Variants in NPFFR2 observed in about 807,000 individuals in gnomAD.
NPFFR2 encodes the protein G-protein coupled receptor 74.
NPFFR2 carries 15 observed loss-of-function variants against 13.1 expected under a neutral mutation model. The observed-to-expected ratio is 1.15, with a 90% CI of 0.77 to 1.76. The LOEUF (loss-of-function observed/expected upper bound fraction) is 1.76, where lower values mean the gene tolerates loss of function less well. NPFFR2 is among the 40% of genes most tolerant of loss of function. The pLI, the probability that NPFFR2 is intolerant of heterozygous loss-of-function variation, is 0.00. For missense variants in NPFFR2, 572 were observed against 503.5 expected, an observed-to-expected ratio of 1.14 and a Z score of -1.30; for synonymous variants, 190 against 175.7, an observed-to-expected ratio of 1.08 and a Z score of -0.65.
chr4:72,103,732 G>A (rs1487982278), intron 1 of NPFFR2, among the ~76,000 whole-genome samples: 13 of 151,964 alleles, frequency 8.6e-5, no homozygotes, highest in African/African-American at 3.1e-4. Context: ...TTTCAAAGTT[G>A]AACTAATAGA....
chr4:72,032,303 C>T, intron 1 of NPFFR2, 103 bp downstream of exon 1: 1 of 1,271,346 alleles, frequency 7.9e-7, no homozygotes, highest in Non-Finnish European at 1.1e-6. Context: ...GATTGTGGAC[C>T]GACACCTTGG....
intron 1 of NPFFR2, among the ~76,000 whole-genome samples, chr4:72,048,817 A>G (rs1476921746): frequency 3.9e-5 from 6 of 151,970 alleles, no homozygotes; most frequent in Non-Finnish European, 1.5e-5. Flanking sequence ...TTAGAGTTAG[A>G]ATGTAATCTT....
At chr4:72,099,225 C>T (rs1721160073) in intron 1 of NPFFR2, among the ~76,000 whole-genome samples, 1 of 152,122 alleles carries the variant, frequency 6.6e-6, no homozygotes, top group South Asian at 2.1e-4. Context: ...TCATTCACCT[C>T]CTGATAAATT....
At chr4:72,045,680 C>G in intron 1 of NPFFR2, among the ~76,000 whole-genome samples, 1 of 152,128 alleles carries the variant, frequency 6.6e-6, no homozygotes, top group Non-Finnish European at 1.5e-5. Context: ...CAAAAATCAT[C>G]TAATACAATA....
chr4:72,050,791 G>T (rs564722759), intron 1 of NPFFR2, among the ~76,000 whole-genome samples: 2 of 141,246 alleles, frequency 1.4e-5, no homozygotes, highest in Non-Finnish European at 1.5e-5. Context: ...AGTCCCCAGA[G>T]TGTGATGTTC....
At chr4:72,036,472 A>T (rs929023528) in intron 1 of NPFFR2, among the ~76,000 whole-genome samples, 1 of 151,078 alleles carries the variant, frequency 6.6e-6, no homozygotes, top group Non-Finnish European at 1.5e-5. Flanking sequence ...ACCACAGATT[A>T]GTGGGCTGGA....
chr4:72,105,247 T>C (rs61280750), intron 1 of NPFFR2, among the ~76,000 whole-genome samples: 4,744 of 151,912 alleles, frequency 0.031, 238 homozygotes, highest in African/African-American at 0.11. Context: ...ATGAAAAATA[T>C]TTCAAATAGT....
Position 72,148,263 on chromosome 4 carries a change from A to T in NPFFR2, c.*451A>T, listed in dbSNP as rs998632820. Reference sequence around the variant, plus strand: ...GACTATTACTCTGCTTATGTTTATAAACTGTACTTGGTTTTCTAAGAAATA... The same window carrying T: ...GACTATTACTCTGCTTATGTTTATATACTGTACTTGGTTTTCTAAGAAATA... On this transcript the variant is annotated 3_prime_UTR_variant, in exon 4 of 4. Coordinates refer to ENST00000308744, the MANE Select transcript of NPFFR2 (RefSeq NM_004885.3). Among the ~76,000 whole-genome samples, 3 of 152,220 alleles carry T rather than the reference A, an allele frequency of 2.0e-5. No homozygotes were observed. The highest frequency in any genetic ancestry group is 4.4e-5 in the Non-Finnish European group (3 of 68,036).
At chr4:72,093,760 G>T (rs1486939113) in intron 1 of NPFFR2, among the ~76,000 whole-genome samples, 4 of 147,278 alleles carry the variant, frequency 2.7e-5, no homozygotes, top group Non-Finnish European at 6.0e-5. Flanking sequence ...ATTTCTTTAA[G>T]TTGGACTTCA....
At chr4:72,106,367 TGTGA>T (rs997327021) in intron 1 of NPFFR2, among the ~76,000 whole-genome samples, 35 of 152,106 alleles carry the variant, frequency 2.3e-4, no homozygotes, top group Admixed American at 6.6e-4. Flanking sequence ...GAGCGACACA[TGTGA>T]GTGAGAGTTA....
rs143648697 is a variant in NPFFR2 at position 72,133,337 on chromosome 4, T to C, written c.328+4418T>C. 8.7e-3 allele frequency among the ~76,000 whole-genome samples: 1,330 copies of C among 152,316 alleles called. 21 individuals carry two copies. The highest frequency in any genetic ancestry group is 0.031 in the African/African-American group (1,269 of 41,560). On this transcript the variant is annotated intron_variant, in intron 2 of 3. Transcript: ENST00000308744. ...ATTTGTAGGTGCATGGATTTGTTTCTGGGTTCTCTATTCTGTTCCATTGGT... is the reference window on the plus strand; with the variant it reads ...ATTTGTAGGTGCATGGATTTGTTTCCGGGTTCTCTATTCTGTTCCATTGGT...
intron 1 of NPFFR2, among the ~76,000 whole-genome samples, chr4:72,066,865 T>C (rs1052424705): frequency 6.6e-6 from 1 of 152,074 alleles, no homozygotes; most frequent in Admixed American, 6.5e-5. Context: ...CAGATTGAAA[T>C]TGGGTGCCTA....
At chr4:72,055,892 A>G (rs887289911) in intron 1 of NPFFR2, among the ~76,000 whole-genome samples, 2 of 151,992 alleles carry the variant, frequency 1.3e-5, no homozygotes, top group Non-Finnish European at 2.9e-5. Context: ...ATTCAATTCT[A>G]TGAAAGCTAA....
At chr4:72,082,171 A>G (rs1720644866) in intron 1 of NPFFR2, among the ~76,000 whole-genome samples, 1 of 152,184 alleles carries the variant, frequency 6.6e-6, no homozygotes, top group Non-Finnish European at 1.5e-5. Flanking sequence ...CACAACTTCA[A>G]AAAGGATGCA....
intron 1 of NPFFR2, among the ~76,000 whole-genome samples, chr4:72,083,449 T>C (rs1720685759): frequency 6.6e-6 from 1 of 152,210 alleles, no homozygotes; most frequent in South Asian, 2.1e-4. Context: ...TACTGGTGTT[T>C]GGCAGTTTTT....
chr4:72,064,872 A>G (rs567734701), intron 1 of NPFFR2, among the ~76,000 whole-genome samples: 1 of 152,206 alleles, frequency 6.6e-6, no homozygotes, highest in Non-Finnish European at 1.5e-5. Flanking sequence ...GACATCTAGG[A>G]AAAGAAGAGC....
intron 1 of NPFFR2, among the ~76,000 whole-genome samples, chr4:72,034,511 T>C (rs1253538208): frequency 1.3e-5 from 2 of 151,932 alleles, no homozygotes; most frequent in Non-Finnish European, 2.9e-5. Context: ...TCCCACCAAG[T>C]CCCTCCCAAG....
rs1006748959 is a variant in NPFFR2, at chr4:72,146,884, G to C, written c.429-94G>C. On this transcript the variant is annotated intron_variant, in intron 3 of 3. Coordinates refer to ENST00000308744, the MANE Select transcript of NPFFR2 (RefSeq NM_004885.3). ...TTCTATATTTTTGAGGAGACTGTAG[G>C]GTGAGAGGCCTGTAACTACATAAAT... The C allele has an allele frequency of 5.0e-6, 4 of 795,820 alleles. No homozygotes were observed. In the African/African-American group the frequency reaches 6.9e-5, roughly 14 times the overall value. 49.3% of individuals were successfully genotyped at this position (795,820 alleles called of 1,614,324 possible). A position where few individuals can be genotyped will look rare whatever the true frequency, so the allele number is the denominator to read the frequency against.
intron 1 of NPFFR2, among the ~76,000 whole-genome samples, chr4:72,113,253 G>A (rs536163292): frequency 0.018 from 2,709 of 152,094 alleles, 85 homozygotes; most frequent in African/African-American, 0.062. Flanking sequence ...GTAGAATTTG[G>A]AAATTTTTTT....
Sources: allele counts gnomAD v4.1 joint callset (sites outside exome capture counted in the v4.1 genomes callset), GRCh38; gene constraint gnomAD v4.1.1; transcripts MANE v1.5; gene names NCBI Gene and HGNC (gene_info 2026-07-23, HGNC 2026-07-21).